RYR3: variants seen among roughly 807,000 people sequenced by gnomAD.
RYR3 encodes the protein brain ryanodine receptor-calcium release channel.
In RYR3, 207 loss-of-function variants were observed where a neutral mutation model predicts 584.3. The ratio of observed to expected loss-of-function variants is 0.35; its 90% CI spans 0.32 to 0.40. The LOEUF is 0.40. RYR3 is among the 10% of genes least tolerant of loss of function. RYR3 has a pLI of 1.00. For synonymous variants in RYR3, 2,416 were observed against 2,248.5 expected (o/e 1.07, Z -2.11); for missense variants, 5,616 against 6,089.2 (o/e 0.92, Z 2.59).
At chr15:33,518,047 G>A (rs929372709) in intron 3 of RYR3, among the ~76,000 whole-genome samples, 4 of 152,206 alleles carry the variant, frequency 2.6e-5, no homozygotes, top group African/African-American at 4.8e-5. Context: ...AGCTGTGGAT[G>A]CATATTGATG....
In RYR3 at chr15:33,865,510, TTCAGTTTGTTGGGATGGAAGC is replaced by T; in HGVS notation, c.*285_*305del. 1 of 334,006 alleles carries T rather than the reference TTCAGTTTGTTGGGATGGAAGC, an allele frequency of 3.0e-6. No individual in the cohort carries two copies. Among genetic ancestry groups the T allele is most frequent in the Non-Finnish European group, 5.5e-6 (1 of 181,232 alleles). 20.7% of individuals were successfully genotyped at this position (334,006 alleles called of 1,614,324 possible). ...AGTTTTCCAGTTCTGAGGTAACTAG[TTCAGTTTGTTGGGATGGAAGC>T]ATGAAGGAAAGGGCTAGAGAAGTAT... On this transcript the variant is annotated 3_prime_UTR_variant, in exon 104 of 104. Transcript: ENST00000634891.
In RYR3 at chr15:33,581,628, C is replaced by G; in HGVS notation, c.1558C>G (p.Leu520Val). ...GGCCTGGAAAGAAATTCTGAACCTC[C>G]TCTACAAATTGCTGGGTAAGTACAC... ...GMAWKEILNL[L>V]YKLLAALIRG... Residue 520 changes from leucine to valine, a missense_variant, in exon 14 of 104, where the codon CTC (leucine) becomes GTC (valine). Around this residue, in one of 9 missense-constraint regions of RYR3, gnomAD observed 1,284 missense variants for 1,344.6 expected, o/e 0.95. Coordinates refer to ENST00000634891, the MANE Select transcript of RYR3 (RefSeq NM_001036.6). 6.2e-7 allele frequency: 1 copy of G among 1,613,708 alleles called. No homozygotes were observed. Among genetic ancestry groups the G allele is most frequent in the Non-Finnish European group, 8.5e-7 (1 of 1,179,648 alleles).
At chr15:33,575,717 GA>G in intron 12 of RYR3, among the ~76,000 whole-genome samples, 1 of 151,746 alleles carries the variant, frequency 6.6e-6, no homozygotes, top group East Asian at 1.9e-4. Flanking sequence ...GGAGAACCAA[GA>G]GCAAACAAAC....
chr15:33,616,062 A>G (rs1595846059), intron 19 of RYR3, among the ~76,000 whole-genome samples: 1 of 152,124 alleles, frequency 6.6e-6, no homozygotes, highest in Admixed American at 6.5e-5. Context: ...GGCCTTGGTC[A>G]CCCACCATTA....
At chr15:33,619,006 C>T (rs574569748) in intron 19 of RYR3, among the ~76,000 whole-genome samples, 44 of 152,240 alleles carry the variant, frequency 2.9e-4, no homozygotes, top group Admixed American at 9.8e-4. Flanking sequence ...TTTTCAAAAT[C>T]AGTCAAGTAA....
intron 67 of RYR3, among the ~76,000 whole-genome samples, chr15:33,788,966 G>A (rs2074918038): frequency 6.6e-6 from 1 of 152,150 alleles, no homozygotes; most frequent in Non-Finnish European, 1.5e-5. Context: ...GGTCAGGGTG[G>A]GGTGGAGTTG....
At chr15:33,848,159 A>T in intron 93 of RYR3, 132 bp from the exon 94 acceptor site, 3 of 1,102,292 alleles carry the variant, frequency 2.7e-6, no homozygotes, top group Non-Finnish European at 2.7e-6. Flanking sequence ...TCCCACAACT[A>T]GGCACTCTAA....
At chr15:33,840,951 C>T (rs1386486433) in intron 90 of RYR3, 68 bp downstream of exon 90, 10 of 1,423,488 alleles carry the variant, frequency 7.0e-6, no homozygotes, top group Non-Finnish European at 9.9e-6. Context: ...GGCAGAGTGG[C>T]TCGCACCTGT....
At chr15:33,626,344 C>T (rs564250980) in intron 20 of RYR3, among the ~76,000 whole-genome samples, 57 of 152,100 alleles carry the variant, frequency 3.7e-4, no homozygotes, top group African/African-American at 1.3e-3. Context: ...AAGAGACTGG[C>T]GGCATTTTGG....
intron 1 of RYR3, among the ~76,000 whole-genome samples, chr15:33,407,715 A>G (rs2043119237): frequency 6.6e-6 from 1 of 152,196 alleles, no homozygotes; most frequent in Non-Finnish European, 1.5e-5. Context: ...ACCTTGACCT[A>G]TGGTAGTGGA....
chr15:33,487,726 C>A (rs1165992108), intron 2 of RYR3, among the ~76,000 whole-genome samples: 3 of 152,096 alleles, frequency 2.0e-5, no homozygotes, highest in African/African-American at 7.2e-5. Flanking sequence ...CTGTCACATG[C>A]AGGCAGAACA....
At chr15:33,861,246 T>C (rs1275930023) in intron 102 of RYR3, 68 bp downstream of exon 102, 1 of 1,158,622 alleles carries the variant, frequency 8.6e-7, no homozygotes. Flanking sequence ...GGTCATATAG[T>C]TCAGTCTCTG....
chr15:33,630,458 C>G (rs1460417192), intron 22 of RYR3, among the ~76,000 whole-genome samples: 1 of 152,212 alleles, frequency 6.6e-6, no homozygotes, highest in Admixed American at 6.5e-5. Context: ...ACTTTAACTT[C>G]TCTAGCCTAA....
intron 3 of RYR3, among the ~76,000 whole-genome samples, chr15:33,511,072 C>T (rs192760432): frequency 2.6e-4 from 39 of 152,084 alleles, no homozygotes; most frequent in African/African-American, 9.4e-4. Flanking sequence ...GATTGCAATT[C>T]TATGAGAAAT....
At chr15:33,527,980 G>A (rs942857526) in intron 3 of RYR3, among the ~76,000 whole-genome samples, 1 of 152,120 alleles carries the variant, frequency 6.6e-6, no homozygotes, top group Non-Finnish European at 1.5e-5. Context: ...TGAACTAATG[G>A]GGGAGTATGA....
intron 5 of RYR3, 22 bp downstream of exon 5, chr15:33,533,411 T>G (rs1195072976): frequency 1.3e-6 from 2 of 1,559,808 alleles, no homozygotes; most frequent in African/African-American, 1.4e-5. Flanking sequence ...TTCCCAGATC[T>G]CTTGAGCTCA....
Position 33,669,588 on chromosome 15 carries a change from G to A in RYR3, c.5722+132G>A, listed in dbSNP as rs8030238. On this transcript the variant is annotated intron_variant, in intron 37 of 103. Coordinates refer to ENST00000634891, the MANE Select transcript of RYR3 (RefSeq NM_001036.6). ...AAATTGCAATACTGTCTTTCAAGAC[G>A]TGACTATCCTAGCTACTTGTGTCAG... is the stretch of plus-strand genomic sequence containing the variant. 1.1e-3 allele frequency: 835 copies of A among 726,994 alleles called. 12 individuals are homozygous for A. The African/African-American group carries it at 0.012, about 11-fold the overall frequency. The allele number at this position is 726,994 out of a possible 1,614,324, so 45.0% of individuals were successfully genotyped here.
chr15:33,647,446 T>C lies in RYR3; in HGVS notation c.3964T>C (p.Ser1322Pro). 1 of 1,606,984 alleles carries C rather than the reference T, an allele frequency of 6.2e-7. No homozygotes were observed. The highest frequency in any genetic ancestry group is 1.3e-5 in the African/African-American group (1 of 74,914). ...QKRKQMQEILSHTTTQCYYAI... is the reference protein window; with the variant it reads ...QKRKQMQEILPHTTTQCYYAI... ...CAGGAAACAGATGCAAGAAATACTCTCTCATACAACAACAGTAAGTAAATG... is the reference window on the plus strand; with the variant it reads ...CAGGAAACAGATGCAAGAAATACTCCCTCATACAACAACAGTAAGTAAATG... The change falls in exon 30 of 104, where the codon TCT (serine) becomes CCT (proline). Residue 1322 changes from serine to proline, a missense_variant. By Grantham distance (74) the Ser-to-Pro change is moderately conservative (BLOSUM62 -1). Coordinates refer to ENST00000634891, the MANE Select transcript of RYR3 (RefSeq NM_001036.6).
chr15:33,794,232 A>ATAT (rs1329051507), intron 67 of RYR3, among the ~76,000 whole-genome samples: 1 of 97,890 alleles, frequency 1.0e-5, no homozygotes, highest in African/African-American at 3.4e-5. Context: ...AATATATATA[A>ATAT]ATATATATTT....
Sources: gnomAD v4.1 joint callset for allele counts (sites outside exome capture counted in the v4.1 genomes callset) on GRCh38, gnomAD v4.1.1 for gene constraint, gnomAD v4.1.1 regional missense constraint, MANE v1.5 for transcripts, NCBI Gene and HGNC (gene_info 2026-07-23, HGNC 2026-07-21) for gene names.